The following TAX1BP1 variants were observed in gnomAD, a reference collection of about 807,000 sequenced individuals.
TAX1BP1 encodes the protein tax1-binding protein 1.
TAX1BP1 carries 62 observed loss-of-function variants against 97.7 expected under a neutral mutation model. That is an observed-to-expected ratio of 0.63 (90% CI 0.52 to 0.78). The LOEUF is 0.78. TAX1BP1 is among the 30% of genes least tolerant of loss of function. The pLI is 0.00. For synonymous variants in TAX1BP1, 340 were observed against 304.2 expected (o/e 1.12, Z -1.23); for missense variants, 867 against 916.1 (o/e 0.95, Z 0.69).
At chr7:27,776,601 T>A (rs1428708125) in intron 5 of TAX1BP1, among the ~76,000 whole-genome samples, 1 of 152,034 alleles carries the variant, frequency 6.6e-6, no homozygotes, top group Non-Finnish European at 1.5e-5. Flanking sequence ...AGTGGTTGAT[T>A]ATGTTGTGTC....
At chr7:27,800,190 AATTG>A (rs1790079883) in intron 13 of TAX1BP1, 100 bp downstream of exon 13, 3 of 1,105,696 alleles carry the variant, frequency 2.7e-6, no homozygotes, top group Non-Finnish European at 1.2e-6. Context: ...AAATATGGAT[AATTG>A]ATAGTTTTTT....
intron 1 of TAX1BP1, among the ~76,000 whole-genome samples, chr7:27,744,742 G>A (rs1787755919): frequency 6.6e-6 from 1 of 152,120 alleles, no homozygotes. Context: ...TACAAGAGGA[G>A]TAAGTAAAGA....
upstream of TAX1BP1, chr7:27,740,044 T>C (rs1583654510): frequency 6.6e-6 from 1 of 151,402 alleles, no homozygotes; most frequent in African/African-American, 2.4e-5. Context: ...CGCGGCGGAG[T>C]GGGCTGGGGG....
chr7:27,752,779 G>C (rs920183777), intron 2 of TAX1BP1, among the ~76,000 whole-genome samples: 12 of 152,220 alleles, frequency 7.9e-5, no homozygotes, highest in African/African-American at 2.9e-4. Context: ...TTACAGATGA[G>C]GGAACTGAGG....
rs749082687 is a variant in TAX1BP1, at chr7:27,816,533, T to A, written c.1936+13T>A. On this transcript the variant is annotated intron_variant, in intron 14 of 16. Transcript: ENST00000396319. ...CAGGAAACAAGAGGTTATTACAGTA[T>A]TTTTGGTTTGGGATTAGCTGCATCT... 1 of 1,515,736 alleles carries A rather than the reference T, an allele frequency of 6.6e-7. No homozygotes were observed. Among genetic ancestry groups the A allele is most frequent in the South Asian group, 1.4e-5 (1 of 73,738 alleles). The allele number at this position is 1,515,736 out of a possible 1,614,324, so 93.9% of individuals were successfully genotyped here.
At chr7:27,754,612 G>C (rs902728381) in intron 2 of TAX1BP1, among the ~76,000 whole-genome samples, 1 of 151,618 alleles carries the variant, frequency 6.6e-6, no homozygotes, top group South Asian at 2.1e-4. Flanking sequence ...TCGCTCTATC[G>C]CCGAGGCTGG....
intron 16 of TAX1BP1, 122 bp downstream of exon 16, chr7:27,827,942 C>G: frequency 1.3e-6 from 1 of 744,946 alleles, no homozygotes; most frequent in Non-Finnish European, 2.2e-6. Context: ...ACCAGAAACA[C>G]CAGGCGTAGG....
intron 1 of TAX1BP1, among the ~76,000 whole-genome samples, chr7:27,741,650 A>G (rs1287645099): frequency 6.6e-6 from 1 of 151,950 alleles, no homozygotes; most frequent in Non-Finnish European, 1.5e-5. Flanking sequence ...ACAGGCGCGC[A>G]CCACCACACT....
At chr7:27,809,746 C>CTA (rs980786071) in intron 13 of TAX1BP1, among the ~76,000 whole-genome samples, 6 of 152,114 alleles carry the variant, frequency 3.9e-5, no homozygotes, top group Non-Finnish European at 7.4e-5. Context: ...GGTTGGAACT[C>CTA]TATAAAGTTG....
chr7:27,828,196 G>A (rs952363267), intron 16 of TAX1BP1, among the ~76,000 whole-genome samples: 1 of 152,036 alleles, frequency 6.6e-6, no homozygotes, highest in East Asian at 1.9e-4. Flanking sequence ...CATGTCCTCC[G>A]ACTGATTCTG....
At chr7:27,758,209 TGATTTGTTCAG>T in intron 3 of TAX1BP1, 76 bp downstream of exon 3, 1 of 1,198,470 alleles carries the variant, frequency 8.3e-7, no homozygotes, top group East Asian at 2.4e-5. Context: ...TCCATTGTAA[TGATTTGTTCAG>T]GTATCTCCAG....
At chr7:27,818,096 G>A (rs7784038) in intron 15 of TAX1BP1, among the ~76,000 whole-genome samples, 120,340 of 152,134 alleles carry the variant, frequency 0.79, 48,547 homozygotes, top group African/African-American at 0.95. Flanking sequence ...CACATTTTGC[G>A]TATTTAATCT....
chr7:27,801,337 T>C (rs1270644768), intron 13 of TAX1BP1, among the ~76,000 whole-genome samples: 4 of 152,102 alleles, frequency 2.6e-5, no homozygotes, highest in Non-Finnish European at 1.5e-5. Context: ...AGAATTACTT[T>C]AGTTTTCCCT....
intron 1 of TAX1BP1, 82 bp from the exon 2 acceptor site, chr7:27,748,436 A>C: frequency 1.1e-6 from 1 of 947,882 alleles, no homozygotes; most frequent in South Asian, 4.2e-5. Context: ...CATGAAACTT[A>C]TATTAAATAT....
intron 4 of TAX1BP1, among the ~76,000 whole-genome samples, chr7:27,768,759 G>T (rs1788735840): frequency 6.6e-6 from 1 of 152,020 alleles, no homozygotes; most frequent in Admixed American, 6.5e-5. Flanking sequence ...TGATTTGTTG[G>T]AACAGGTAGA....
chr7:27,792,818 C>T (rs1014715220), intron 9 of TAX1BP1, among the ~76,000 whole-genome samples: 1 of 151,920 alleles, frequency 6.6e-6, no homozygotes, highest in African/African-American at 2.4e-5. Context: ...CAAAAATTAC[C>T]CAGGTGTGGT....
chr7:27,783,008 G>T (rs1243621862), intron 5 of TAX1BP1, among the ~76,000 whole-genome samples: 1 of 152,138 alleles, frequency 6.6e-6, no homozygotes, highest in Non-Finnish European at 1.5e-5. Flanking sequence ...TGAGAGTTAT[G>T]ACTTGTGGGA....
chr7:27,778,565 T>C (rs1789122525), intron 5 of TAX1BP1, among the ~76,000 whole-genome samples: 1 of 152,134 alleles, frequency 6.6e-6, no homozygotes, highest in South Asian at 2.1e-4. Context: ...CCTTGATTTT[T>C]AAAAAACTTA....
intron 5 of TAX1BP1, among the ~76,000 whole-genome samples, chr7:27,774,250 T>G (rs530235869): frequency 7.9e-5 from 12 of 152,238 alleles, no homozygotes; most frequent in Middle Eastern, 3.4e-3. Flanking sequence ...ATATTTTGTG[T>G]TGTTGTAGAG....
Sources: allele counts gnomAD v4.1 joint callset (sites outside exome capture counted in the v4.1 genomes callset), GRCh38; gene constraint gnomAD v4.1.1; transcripts MANE v1.5; gene names NCBI Gene and HGNC (gene_info 2026-07-23, HGNC 2026-07-21).